The following FMN1 variants were observed in gnomAD, a reference collection of about 807,000 sequenced individuals.
The protein encoded by FMN1 is formin-1.
In FMN1, 110 loss-of-function variants were observed where a neutral mutation model predicts 132.4. The ratio of observed to expected loss-of-function variants is 0.83; its 90% CI spans 0.71 to 0.97. FMN1 has a LOEUF of 0.97. Ranked by LOEUF, FMN1 falls within the 50% of genes least tolerant of loss-of-function variation. FMN1 has a pLI of 0.00. For missense variants in FMN1, 1,792 were observed against 1,705.3 expected, an observed-to-expected ratio of 1.05 and a Z score of -0.90; for synonymous variants, 722 against 651.7, an observed-to-expected ratio of 1.11 and a Z score of -1.64.
chr15:33,118,070 CAAG>C (rs1344178802), intron 4 of FMN1, among the ~76,000 whole-genome samples: 5 of 152,276 alleles, frequency 3.3e-5, no homozygotes, highest in African/African-American at 7.2e-5. Context: ...TGACTTTCCA[CAAG>C]AAGAAATCAC....
At chr15:32,845,027 G>T (rs967607299) in intron 17 of FMN1, among the ~76,000 whole-genome samples, 6 of 152,162 alleles carry the variant, frequency 3.9e-5, no homozygotes, top group Admixed American at 3.9e-4. Context: ...CATTGTCTGC[G>T]AAACTATGTA....
At chr15:32,979,084 G>C (rs866083159) in intron 7 of FMN1, among the ~76,000 whole-genome samples, 1 of 152,206 alleles carries the variant, frequency 6.6e-6, no homozygotes, top group South Asian at 2.1e-4. Flanking sequence ...GAGCAAGAAG[G>C]GGCTCAGAGG....
At chr15:33,121,218 C>T (rs1371686965) in intron 4 of FMN1, among the ~76,000 whole-genome samples, 1 of 152,188 alleles carries the variant, frequency 6.6e-6, no homozygotes, top group African/African-American at 2.4e-5. Context: ...AGCAGTGGGT[C>T]CTGTGTCTTG....
chr15:32,822,515 A>G (rs1596010787), intron 17 of FMN1, among the ~76,000 whole-genome samples: 1 of 150,542 alleles, frequency 6.6e-6, no homozygotes. Flanking sequence ...TTATTACTCC[A>G]TTTTTTTTTC....
chr15:33,069,991 C>CTA (rs1566888327), intron 5 of FMN1, among the ~76,000 whole-genome samples: 1 of 59,552 alleles, frequency 1.7e-5, no homozygotes, highest in Non-Finnish European at 3.4e-5. Flanking sequence ...ATCAGTCTTT[C>CTA]TCTTTTTTTT....
chr15:32,800,540 G>A (rs1052430497), intron 18 of FMN1, among the ~76,000 whole-genome samples: 2 of 152,166 alleles, frequency 1.3e-5, no homozygotes, highest in African/African-American at 4.8e-5. Flanking sequence ...CTATAGCATG[G>A]GAATACATAA....
intron 9 of FMN1, among the ~76,000 whole-genome samples, chr15:32,951,391 A>G (rs901183842): frequency 6.6e-6 from 1 of 151,708 alleles, no homozygotes; most frequent in African/African-American, 2.4e-5. Flanking sequence ...GCTAAAATTC[A>G]TTTGCTTTAA....
intron 6 of FMN1, among the ~76,000 whole-genome samples, chr15:33,027,731 A>G (rs904396384): frequency 7.9e-5 from 12 of 152,348 alleles, no homozygotes; most frequent in African/African-American, 2.2e-4. Flanking sequence ...GGGATAAACA[A>G]TAAAAGAACA....
intron 6 of FMN1, among the ~76,000 whole-genome samples, chr15:33,044,697 A>G (rs2141137948): frequency 6.6e-6 from 1 of 152,136 alleles, no homozygotes; most frequent in Middle Eastern, 3.4e-3. Flanking sequence ...TGAGAGCTGA[A>G]AGGGGATGAT....
At chr15:33,100,185 A>G (rs775540576) in intron 4 of FMN1, among the ~76,000 whole-genome samples, 34 of 151,676 alleles carry the variant, frequency 2.2e-4, no homozygotes, top group Non-Finnish European at 4.0e-4. Flanking sequence ...GTAGAATAGA[A>G]TATTTTGAAC....
At chr15:32,912,878 A>T (rs1271971527) in intron 10 of FMN1, among the ~76,000 whole-genome samples, 3 of 152,210 alleles carry the variant, frequency 2.0e-5, no homozygotes, top group African/African-American at 4.8e-5. Flanking sequence ...TAAGTGAGGT[A>T]AGATATATGC....
intron 3 of FMN1, among the ~76,000 whole-genome samples, chr15:33,172,896 A>G (rs1323111733): frequency 6.6e-6 from 1 of 152,232 alleles, no homozygotes; most frequent in Non-Finnish European, 1.5e-5. Flanking sequence ...AGGATAATGA[A>G]TCAAAGAATG....
chr15:33,108,409 A>G (rs1416591039), intron 4 of FMN1, among the ~76,000 whole-genome samples: 1 of 152,078 alleles, frequency 6.6e-6, no homozygotes, highest in African/African-American at 2.4e-5. Context: ...ATAATGGCAC[A>G]TAAGAAGAGA....
At chr15:32,801,624 A>AAAAC (rs201130479) in intron 18 of FMN1, among the ~76,000 whole-genome samples, 10 of 151,994 alleles carry the variant, frequency 6.6e-5, no homozygotes, top group South Asian at 4.1e-4. Flanking sequence ...CAAAAAAACA[A>AAAAC]AAACAAACAA....
At position 33,111,029 on chromosome 15, in the gene FMN1, A is replaced by C. The variant is rs556033628; in HGVS notation, c.1868-22055T>G. Reference sequence around the variant, plus strand: ...TATGGAATTATAAACTGCCATTCAAATGTTAGTTTTACATTTTTATGGTAT... The same window carrying C: ...TATGGAATTATAAACTGCCATTCAACTGTTAGTTTTACATTTTTATGGTAT... On this transcript the variant is annotated intron_variant, in intron 4 of 20. Coordinates refer to ENST00000616417, the MANE Select transcript of FMN1 (RefSeq NM_001277313.2). Among the ~76,000 whole-genome samples the C allele has an allele frequency of 2.2e-4, 34 of 152,254 alleles. No homozygotes were observed. In the South Asian group the frequency reaches 6.2e-3, roughly 28 times the overall value.
chr15:32,814,734 G>A (rs1010433526), intron 17 of FMN1, among the ~76,000 whole-genome samples: 1 of 152,154 alleles, frequency 6.6e-6, no homozygotes, highest in Non-Finnish European at 1.5e-5. Flanking sequence ...GCACTAGTCT[G>A]AAGGTGTATA....
rs918085242 is a variant in FMN1 at position 32,987,740 on chromosome 15, A to C, written c.2224-18263T>G. On this transcript the variant is annotated intron_variant, in intron 7 of 20. Coordinates refer to ENST00000616417, the MANE Select transcript of FMN1 (RefSeq NM_001277313.2). ...TGTCTCATGTATTTTTCAGATTTTCACATCAGTGTAACACAGGTAAGAATA... is the reference window on the plus strand; with the variant it reads ...TGTCTCATGTATTTTTCAGATTTTCCCATCAGTGTAACACAGGTAAGAATA... Among the ~76,000 whole-genome samples the C allele has an allele frequency of 1.6e-4, 24 of 152,288 alleles. No homozygotes were observed. In the East Asian group the frequency reaches 4.2e-3, roughly 27 times the overall value.
At chr15:32,834,652 C>T (rs1007683799) in intron 17 of FMN1, among the ~76,000 whole-genome samples, 10 of 152,204 alleles carry the variant, frequency 6.6e-5, no homozygotes, top group Non-Finnish European at 2.9e-5. Flanking sequence ...CTCTTACTCC[C>T]ACCGTTATTA....
intron 9 of FMN1, among the ~76,000 whole-genome samples, chr15:32,932,984 C>CT (rs1439267458): frequency 2.6e-5 from 4 of 152,028 alleles, no homozygotes; most frequent in East Asian, 1.9e-4. Flanking sequence ...CTCTATTTTG[C>CT]TTTTTTTCTG....
Sources: gnomAD v4.1 joint callset for allele counts (sites outside exome capture counted in the v4.1 genomes callset) on GRCh38, gnomAD v4.1.1 for gene constraint, MANE v1.5 for transcripts, NCBI Gene and HGNC (gene_info 2026-07-23, HGNC 2026-07-21) for gene names.